The following SKAP1 variants were observed in gnomAD, a reference collection of about 807,000 sequenced individuals.
SKAP1 encodes src kinase associated phosphoprotein 1, also known as src kinase-associated phosphoprotein 1.
SKAP1 carries 44 observed loss-of-function variants against 58.5 expected under a neutral mutation model. The observed-to-expected ratio is 0.75, with a 90% confidence interval of 0.59 to 0.97. The LOEUF (loss-of-function observed/expected upper bound fraction) is 0.97, where lower values mean the gene tolerates loss of function less well. Among genes scored for constraint, SKAP1 ranks in the 50% least tolerant of loss-of-function variants. The probability of loss-of-function intolerance (pLI) is 0.00; values close to 1 mark genes in which losing one functional copy is unlikely to be tolerated. For missense variants in SKAP1, 390 were observed against 435.2 expected (o/e 0.90, Z 0.92); for synonymous variants, 127 against 149.7 (o/e 0.85, Z 1.11).
intron 4 of SKAP1, among the ~76,000 whole-genome samples, chr17:48,277,308 G>T (rs1222027271): frequency 1.3e-5 from 2 of 152,168 alleles, no homozygotes; most frequent in Non-Finnish European, 2.9e-5. Flanking sequence ...TAGAAAACTA[G>T]ATATTTCATA....
chr17:48,433,577 C>G (rs886761158), upstream of SKAP1, among the ~76,000 whole-genome samples: 2 of 152,076 alleles, frequency 1.3e-5, no homozygotes, highest in African/African-American at 4.8e-5. Flanking sequence ...AGACAAACAA[C>G]AAAAGAATGA....
the SKAP1 span, among the ~76,000 whole-genome samples, chr17:48,444,267 G>A: frequency 6.6e-6 from 1 of 152,082 alleles, no homozygotes; most frequent in African/African-American, 2.4e-5. Flanking sequence ...GGTGGCATGC[G>A]TCTGTAATCC....
At chr17:48,215,042 T>C (rs2064922240) in intron 4 of SKAP1, among the ~76,000 whole-genome samples, 1 of 152,078 alleles carries the variant, frequency 6.6e-6, no homozygotes, top group Admixed American at 6.6e-5. Flanking sequence ...TGCCTCAGCC[T>C]CTCCAAGTGC....
chr17:48,356,283 AATAG>A (rs778733281), intron 3 of SKAP1, among the ~76,000 whole-genome samples: 39 of 152,168 alleles, frequency 2.6e-4, no homozygotes, highest in Non-Finnish European at 4.6e-4. Context: ...TAAATAAATA[AATAG>A]ATAGATAGAT....
At chr17:48,233,988 A>G (rs1201730051) in intron 4 of SKAP1, among the ~76,000 whole-genome samples, 1 of 152,220 alleles carries the variant, frequency 6.6e-6, no homozygotes, top group Non-Finnish European at 1.5e-5. Flanking sequence ...GAAAGGTTTA[A>G]GGGCATTTAT....
chr17:48,182,343 A>C (rs367718357), intron 8 of SKAP1, 51 bp downstream of exon 8: 463 of 1,328,982 alleles, frequency 3.5e-4, no homozygotes, highest in Non-Finnish European at 4.8e-4. Flanking sequence ...ATGCAACATA[A>C]CTTCAACTGC....
chr17:48,438,833 C>T, the SKAP1 span, among the ~76,000 whole-genome samples: 1 of 152,064 alleles, frequency 6.6e-6, no homozygotes, highest in Non-Finnish European at 1.5e-5. Context: ...CTAAGCTCTA[C>T]AGAAGGGCTG....
At chr17:48,411,727 C>T (rs1053955713) in intron 1 of SKAP1, among the ~76,000 whole-genome samples, 1 of 152,152 alleles carries the variant, frequency 6.6e-6, no homozygotes, top group Non-Finnish European at 1.5e-5. Context: ...CTGTGATCTT[C>T]CTCCTCAAAA....
chr17:48,213,341 ACT>A (rs1294878667), intron 4 of SKAP1, among the ~76,000 whole-genome samples: 1 of 120,470 alleles, frequency 8.3e-6, no homozygotes, highest in Non-Finnish European at 1.7e-5. Flanking sequence ...CAAGAGCAAA[ACT>A]CTGTCTCAAA....
At chr17:48,311,073 C>T (rs1469616664) in intron 4 of SKAP1, among the ~76,000 whole-genome samples, 1 of 152,152 alleles carries the variant, frequency 6.6e-6, no homozygotes, top group Non-Finnish European at 1.5e-5. Flanking sequence ...TGTGCACGGT[C>T]AGGTCAGACC....
chr17:48,430,891 G>A (rs1469285592), upstream of SKAP1, among the ~76,000 whole-genome samples: 2 of 152,168 alleles, frequency 1.3e-5, no homozygotes, highest in Admixed American at 6.5e-5. Context: ...AGGGAGGAAA[G>A]TGAAGGACAA....
chr17:48,180,057 G>T lies in SKAP1; in HGVS notation c.823C>A (p.Pro275Thr). The T allele has an allele frequency of 6.3e-7, 1 of 1,584,866 alleles. No homozygotes were observed. Among genetic ancestry groups the T allele is most frequent in the Non-Finnish European group, 8.6e-7 (1 of 1,167,724 alleles). ...KEEEDIYEVL[P>T]DEEHDLEEDE... Reference sequence around the variant, plus strand: ...ATCAGAGGACAAAATTTCTCACCTGGCAAGACTTCATAAATATCTTCTTCT... The same window carrying T: ...ATCAGAGGACAAAATTTCTCACCTGTCAAGACTTCATAAATATCTTCTTCT... Residue 275 changes from proline (P) to threonine (T), a missense_variant, in exon 9 of 13, where the codon CCA becomes ACA. By Grantham distance (38) the Pro-to-Thr change is conservative. Coordinates refer to ENST00000336915, the MANE Select transcript of SKAP1 (RefSeq NM_003726.4).
chr17:48,305,186 T>C (rs1433909136), intron 4 of SKAP1, among the ~76,000 whole-genome samples: 1 of 152,192 alleles, frequency 6.6e-6, no homozygotes, highest in Non-Finnish European at 1.5e-5. Flanking sequence ...GTTATTTATT[T>C]GTTTACTTTT....
the SKAP1 span, among the ~76,000 whole-genome samples, chr17:48,436,890 C>T: frequency 5.3e-5 from 8 of 152,198 alleles, no homozygotes; most frequent in Admixed American, 3.9e-4. Context: ...TGGTCTTGAC[C>T]ACCTGCTCTT....
At chr17:48,228,903 T>G (rs1037987386) in intron 4 of SKAP1, among the ~76,000 whole-genome samples, 4 of 152,192 alleles carry the variant, frequency 2.6e-5, no homozygotes, top group African/African-American at 9.6e-5. Flanking sequence ...CCCTGTGGTT[T>G]GCTGGCACAG....
At chr17:48,309,889 ATGTTGGC>A (rs2066200835) in intron 4 of SKAP1, among the ~76,000 whole-genome samples, 1 of 152,180 alleles carries the variant, frequency 6.6e-6, no homozygotes, top group Non-Finnish European at 1.5e-5. Context: ...TTGTCTTGGT[ATGTTGGC>A]CTTGCACCTT....
At chr17:48,405,452 T>TC (rs1340982380) in intron 1 of SKAP1, among the ~76,000 whole-genome samples, 19 of 86,648 alleles carry the variant, frequency 2.2e-4, no homozygotes, top group South Asian at 8.7e-4. Flanking sequence ...TTTCTTTCTT[T>TC]TCTTTCTTTC....
At chr17:48,443,838 T>A in the SKAP1 span, among the ~76,000 whole-genome samples, 31,384 of 152,086 alleles carry the variant, frequency 0.21, 3,278 homozygotes, top group Admixed American at 0.22. Context: ...AAAGTTATCA[T>A]AGTATCTAGA....
chr17:48,244,128 G>A (rs1027871543), intron 4 of SKAP1, among the ~76,000 whole-genome samples: 1 of 152,184 alleles, frequency 6.6e-6, no homozygotes, highest in Admixed American at 6.5e-5. Flanking sequence ...AATGACCAGA[G>A]CTAATGTGGT....
Sources: gnomAD v4.1 joint callset for allele counts (sites outside exome capture counted in the v4.1 genomes callset) on GRCh38, gnomAD v4.1.1 for gene constraint, MANE v1.5 for transcripts, NCBI Gene and HGNC (gene_info 2026-07-23, HGNC 2026-07-21) for gene names.